Variants in CBLN2 observed in about 807,000 individuals in gnomAD.
CBLN2 encodes the protein cerebellin 2 precursor.
A neutral mutation model predicts 15.0 loss-of-function variants in CBLN2; 7 were observed. That is an observed-to-expected ratio of 0.47 (90% confidence interval 0.27 to 0.88). CBLN2 has a LOEUF of 0.88. Ranked by LOEUF, CBLN2 falls within the 40% of genes least tolerant of loss-of-function variation. The pLI is 0.14. For missense variants in CBLN2, 242 were observed against 304.5 expected (o/e 0.79, Z 1.53); for synonymous variants, 149 against 135.2 (o/e 1.10, Z -0.71).
At chr18:72,574,632 A>G (rs1242190935) in intron 1 of CBLN2, among the ~76,000 whole-genome samples, 1 of 152,176 alleles carries the variant, frequency 6.6e-6, no homozygotes, top group Non-Finnish European at 1.5e-5. Context: ...TGCAAAGTAT[A>G]TGGGTGCAGA....
Position 72,543,285 on chromosome 18 carries a change from A to T in CBLN2, c.-167+201T>A, listed in dbSNP as rs1296938327. On this transcript the variant is annotated intron_variant, in intron 2 of 4. Coordinates refer to ENST00000269503, the MANE Select transcript of CBLN2 (RefSeq NM_182511.4). This position sits in a 1 kb window ranked among gnomAD's most constrained non-coding sequence, Gnocchi z 6.8. The stretch of plus-strand genomic sequence containing the variant: ...GCCCCCTCGCCGCCCACAGCCTCCC[A>T]TTAACTCTTCCAGTATTCTTTCTAA... 4 of 372,734 alleles carry T rather than the reference A, an allele frequency of 1.1e-5. No individual in the cohort carries two copies. In the Admixed American group the frequency reaches 1.8e-4, roughly 17 times the overall value. 23.1% of individuals were successfully genotyped at this position (372,734 alleles called of 1,614,324 possible). A position where few individuals can be genotyped will look rare whatever the true frequency, so the allele number is the denominator to read the frequency against.
Position 72,573,814 on chromosome 18 carries a change from T to C in CBLN2, c.16-35042A>G, listed in dbSNP as rs190239798. Among the ~76,000 whole-genome samples, 31 of 152,320 alleles carry C rather than the reference T, an allele frequency of 2.0e-4. 1 individual carries two copies. In the East Asian group the frequency reaches 6.0e-3, roughly 29 times the overall value. The stretch of plus-strand genomic sequence containing the variant: ...AATCATTTGGGTAAATACAGGTGGG[T>C]ACAACTGTCGCATCTTACGGTAAGT... On this transcript the variant is annotated intron_variant, in intron 1 of 2. Coordinates refer to the CBLN2 transcript ENST00000581073.
At chr18:72,574,898 C>T (rs1435560648) in intron 1 of CBLN2, among the ~76,000 whole-genome samples, 1 of 152,116 alleles carries the variant, frequency 6.6e-6, no homozygotes, top group Non-Finnish European at 1.5e-5. Context: ...GCATATATTC[C>T]TCCAGCTATG....
intron 1 of CBLN2, among the ~76,000 whole-genome samples, chr18:72,576,557 A>G (rs1007850719): frequency 6.6e-6 from 1 of 152,170 alleles, no homozygotes; most frequent in African/African-American, 2.4e-5. Context: ...CGTACTCTCA[A>G]TGCTATTATA....
chr18:72,618,767 A>G, intron 1 of CBLN2: 2 of 727,242 alleles, frequency 2.8e-6, no homozygotes, highest in Non-Finnish European at 5.0e-6. Context: ...CAGAAATACC[A>G]TTCTGTGAAT....
chr18:72,636,860 T>C, intron 1 of CBLN2, among the ~76,000 whole-genome samples: 1 of 152,168 alleles, frequency 6.6e-6, no homozygotes, highest in Non-Finnish European at 1.5e-5. Flanking sequence ...TGAAATTTTA[T>C]AGCTCTTGTC....
At chr18:72,619,258 G>C (rs1379328794) in intron 1 of CBLN2, 2 of 882,538 alleles carry the variant, frequency 2.3e-6, no homozygotes, top group Non-Finnish European at 3.5e-6. Flanking sequence ...CAGGAGAGGA[G>C]AGCCAGAGAA....
At chr18:72,621,633 C>T (rs749357399) in intron 1 of CBLN2, among the ~76,000 whole-genome samples, 4 of 152,158 alleles carry the variant, frequency 2.6e-5, no homozygotes, top group African/African-American at 4.8e-5. Context: ...AAGAAATTAA[C>T]CACAGCCATT....
intron 1 of CBLN2, among the ~76,000 whole-genome samples, chr18:72,572,611 G>C (rs905811750): frequency 3.3e-5 from 5 of 151,864 alleles, no homozygotes; most frequent in African/African-American, 1.2e-4. Flanking sequence ...TTGAGATTGG[G>C]TCTCACTATA....
In CBLN2 at chr18:72,596,165, T is replaced by C. The variant is rs374082186; in HGVS notation, c.15+42160A>G. ...AGGTAATTTTCTGTTGTGTTTTGTA[T>C]TTTTTGTGGATATGTTGTATATTTT... is the stretch of plus-strand genomic sequence containing the variant. On this transcript the variant is annotated intron_variant, in intron 1 of 2. Transcript: ENST00000581073. Among the ~76,000 whole-genome samples the C allele has an allele frequency of 3.6e-4, 55 of 152,252 alleles. 1 individual carries two copies. In the South Asian group the frequency reaches 5.6e-3, roughly 15 times the overall value.
chr18:72,539,909 T>A (rs2069096169), intron 3 of CBLN2: 1 of 152,250 alleles, frequency 6.6e-6, no homozygotes, highest in South Asian at 2.1e-4. Flanking sequence ...ATACCTTTGC[T>A]GTTATTTCTT....
chr18:72,625,291 C>G (rs549383106), intron 1 of CBLN2: 123 of 152,078 alleles, frequency 8.1e-4, no homozygotes, highest in African/African-American at 2.9e-3. Flanking sequence ...ATGTCTTTGT[C>G]CAGTTAACTC....
At chr18:72,544,485 G>GGGT (rs2144872728), upstream of CBLN2, 1 of 152,360 alleles carries the variant, frequency 6.6e-6, no homozygotes, top group Admixed American at 6.5e-5. Flanking sequence ...CGCCACCTGC[G>GGGT]GGTGCCCGGG....
rs145983447 is a variant in CBLN2 at position 72,616,701 on chromosome 18, T to C, written c.15+21624A>G. 4.8e-3 allele frequency among the ~76,000 whole-genome samples: 732 copies of C among 152,282 alleles called. 5 individuals are homozygous for C. Among genetic ancestry groups the C allele is most frequent in the Non-Finnish European group, 8.2e-3 (560 of 68,022 alleles). On this transcript the variant is annotated intron_variant, in intron 1 of 2. Coordinates refer to the CBLN2 transcript ENST00000581073. ...CTGTGGTGTAAAAAATGACAGACAA[T>C]CTAATTTGTTAGTCTTTTCTGTTTG...
At chr18:72,619,949 T>C (rs897095793) in intron 1 of CBLN2, among the ~76,000 whole-genome samples, 2 of 152,204 alleles carry the variant, frequency 1.3e-5, no homozygotes, top group African/African-American at 4.8e-5. Flanking sequence ...TTTTAGGCAT[T>C]GGCAGGAACA....
At chr18:72,538,872 C>A in intron 3 of CBLN2, 100 bp from the exon 4 acceptor site, 2 of 1,464,232 alleles carry the variant, frequency 1.4e-6, no homozygotes, top group Non-Finnish European at 1.8e-6. Context: ...CCTTCATCAG[C>A]GGCTGGGAAC....
intron 1 of CBLN2, among the ~76,000 whole-genome samples, chr18:72,570,698 C>T (rs1389847584): frequency 1.3e-5 from 2 of 152,128 alleles, no homozygotes; most frequent in African/African-American, 4.8e-5. Context: ...TCAAAACCAT[C>T]AACGCAAACC....
chr18:72,631,939 T>C (rs555005607), intron 1 of CBLN2, among the ~76,000 whole-genome samples: 1 of 152,164 alleles, frequency 6.6e-6, no homozygotes, highest in African/African-American at 2.4e-5. Flanking sequence ...GATTTTGATG[T>C]ACTAAAATAT....
At chr18:72,550,955 G>T (rs1275622419) in intron 1 of CBLN2, among the ~76,000 whole-genome samples, 1 of 151,970 alleles carries the variant, frequency 6.6e-6, no homozygotes. Flanking sequence ...CTGCTATGGT[G>T]CCTATATTGT....
Sources: allele counts gnomAD v4.1 joint callset (sites outside exome capture counted in the v4.1 genomes callset), GRCh38; gene constraint gnomAD v4.1.1; non-coding constraint Gnocchi (gnomAD v3.1); transcripts MANE v1.5; gene names NCBI Gene and HGNC (gene_info 2026-07-23, HGNC 2026-07-21).